Variants in AMBRA1 observed in about 807,000 individuals in gnomAD.
AMBRA1 encodes autophagy and beclin 1 regulator 1.
Under a neutral mutation model 125.4 loss-of-function variants are expected in AMBRA1, and 47 were observed. The observed-to-expected ratio is 0.37, with a 90% CI of 0.30 to 0.48. The LOEUF (loss-of-function observed/expected upper bound fraction) is 0.48. AMBRA1 is among the 20% of genes least tolerant of loss of function. The pLI, the probability that AMBRA1 is intolerant of heterozygous loss-of-function variation, is 0.99. For synonymous variants in AMBRA1, 626 were observed against 655.5 expected (o/e 0.95, Z 0.69); for missense variants, 1,331 against 1,693.4 (o/e 0.79, Z 3.76).
chr11:46,522,101 T>C (rs970491225), intron 7 of AMBRA1, among the ~76,000 whole-genome samples: 3 of 152,156 alleles, frequency 2.0e-5, no homozygotes, highest in Non-Finnish European at 4.4e-5. Context: ...AGAAACAGAA[T>C]GTATACATAG....
chr11:46,447,737 T>C lies in AMBRA1; in HGVS notation c.2522-4139A>G, dbSNP rs943373729. Among the ~76,000 whole-genome samples the C allele has an allele frequency of 2.9e-5, 4 of 140,078 alleles. No individual in the cohort carries two copies. In the South Asian group the frequency reaches 6.5e-4, roughly 23 times the overall value. 91.9% of individuals were successfully genotyped at this position (140,078 alleles called of 152,430 possible). Reference sequence around the variant, plus strand: ...ATAGATAGATAGATAGATAGATAGATAGATAGATAGATAGATAGATAGATA... The same window carrying C: ...ATAGATAGATAGATAGATAGATAGACAGATAGATAGATAGATAGATAGATA... On this transcript the variant is annotated intron_variant, in intron 11 of 17. Transcript: ENST00000683756.
chr11:46,493,974 T>A (rs1406062398), intron 10 of AMBRA1, 150 bp downstream of exon 10: 8 of 740,302 alleles, frequency 1.1e-5, no homozygotes, highest in Non-Finnish European at 1.8e-5. Context: ...CTAACCATCA[T>A]CCGTCAAGAG....
At chr11:46,425,697 G>A (rs977949625) in intron 14 of AMBRA1, among the ~76,000 whole-genome samples, 2 of 151,902 alleles carry the variant, frequency 1.3e-5, no homozygotes, top group South Asian at 2.1e-4. Flanking sequence ...GAAATTAGCC[G>A]GGGTGGTGGC....
intron 2 of AMBRA1, 63 bp downstream of exon 2, chr11:46,548,183 T>C (rs1276733981): frequency 6.2e-7 from 1 of 1,606,216 alleles, no homozygotes; most frequent in Non-Finnish European, 8.5e-7. Flanking sequence ...GTTAACCCAT[T>C]CTAAGGTCTC....
chr11:46,537,519 G>A (rs966812347), intron 7 of AMBRA1, among the ~76,000 whole-genome samples: 6 of 152,060 alleles, frequency 3.9e-5, no homozygotes, highest in Admixed American at 6.5e-5. Flanking sequence ...GCACCCTACC[G>A]CAAGGAGCCA....
intron 11 of AMBRA1, among the ~76,000 whole-genome samples, chr11:46,485,292 A>G (rs887205298): frequency 6.6e-6 from 1 of 152,216 alleles, no homozygotes; most frequent in African/African-American, 2.4e-5. Flanking sequence ...GACAGAGTAT[A>G]CCATATAAAT....
chr11:46,405,536 C>T (rs1481030016), intron 17 of AMBRA1, among the ~76,000 whole-genome samples: 2 of 151,836 alleles, frequency 1.3e-5, no homozygotes, highest in African/African-American at 4.8e-5. Flanking sequence ...CCAGGCAACA[C>T]GGTGAGACCC....
At chr11:46,427,747 G>A (rs1444592815) in intron 14 of AMBRA1, among the ~76,000 whole-genome samples, 1 of 152,180 alleles carries the variant, frequency 6.6e-6, no homozygotes. Context: ...GCTGGCTCAT[G>A]CCTGTAATCC....
intron 11 of AMBRA1, among the ~76,000 whole-genome samples, chr11:46,490,446 C>T (rs1244984041): frequency 6.6e-6 from 1 of 152,144 alleles, no homozygotes; most frequent in African/African-American, 2.4e-5. Context: ...ACTTACTCTT[C>T]ACCTTATAAC....
chr11:46,548,445 A>C lies in AMBRA1; in HGVS notation c.-65T>G. On this transcript the variant is annotated 5_prime_UTR_variant, in exon 2 of 18. Transcript: ENST00000683756. ...AAGGAGCAAGTAACAGCTCCAACAC[A>C]CTGAAGCAGCTAAAATGAGGCCATA... is the stretch of plus-strand genomic sequence containing the variant. The C allele has an allele frequency of 6.3e-7, 1 of 1,595,946 alleles. No individual in the cohort carries two copies. Among genetic ancestry groups the C allele is most frequent in the East Asian group, 2.2e-5 (1 of 44,624 alleles).
intron 2 of AMBRA1, 52 bp downstream of exon 2, chr11:46,548,194 A>T: frequency 6.2e-7 from 1 of 1,611,526 alleles, no homozygotes; most frequent in Non-Finnish European, 8.5e-7. Flanking sequence ...CTAAGGTCTC[A>T]TTCTACCATC....
rs908578463 is a variant in AMBRA1 at position 46,521,031 on chromosome 11, C to A, written c.2073-8218G>T. On this transcript the variant is annotated intron_variant, in intron 7 of 17. Transcript: ENST00000683756. Reference sequence around the variant, plus strand: ...TTTTTATCCCCATCAAAACTCACATCCTAATTAACATGTAATAGGAAACCA... The same window carrying A: ...TTTTTATCCCCATCAAAACTCACATACTAATTAACATGTAATAGGAAACCA... Among the ~76,000 whole-genome samples, 2 of 152,144 alleles carry A rather than the reference C, an allele frequency of 1.3e-5. 1 individual carries two copies. The highest frequency in any genetic ancestry group is 1.3e-4 in the Admixed American group (2 of 15,282).
At chr11:46,464,968 C>T (rs558979432) in intron 11 of AMBRA1, among the ~76,000 whole-genome samples, 3 of 152,082 alleles carry the variant, frequency 2.0e-5, no homozygotes, top group Non-Finnish European at 2.9e-5. Flanking sequence ...TCACTTGAAC[C>T]GGGAGGTGGA....
intron 11 of AMBRA1, among the ~76,000 whole-genome samples, chr11:46,457,328 C>T (rs1160276617): frequency 2.6e-5 from 4 of 152,180 alleles, no homozygotes; most frequent in Non-Finnish European, 4.4e-5. Context: ...ACAAATCCCA[C>T]AGAACTTGGT....
At chr11:46,588,517 T>A (rs1182269033) in intron 1 of AMBRA1, among the ~76,000 whole-genome samples, 1 of 152,064 alleles carries the variant, frequency 6.6e-6, no homozygotes, top group Non-Finnish European at 1.5e-5. Flanking sequence ...GGCTCATACC[T>A]GTATTCCCAG....
In AMBRA1 at chr11:46,547,808, A is replaced by C; in HGVS notation, c.194+9T>G. ...CACAAATCTTAAGTTATAGATAAATACTGAGTACCTGTCTGGGCTGAAGGC... is the reference window on the plus strand; with the variant it reads ...CACAAATCTTAAGTTATAGATAAATCCTGAGTACCTGTCTGGGCTGAAGGC... On this transcript the variant is annotated intron_variant, in intron 3 of 17. Coordinates refer to ENST00000683756, the MANE Select transcript of AMBRA1 (RefSeq NM_001387011.1). 6.2e-7 allele frequency: 1 copy of C among 1,608,810 alleles called. No homozygotes were observed. Among genetic ancestry groups the C allele is most frequent in the Non-Finnish European group, 8.5e-7 (1 of 1,177,204 alleles).
At chr11:46,490,576 A>T (rs1321523113) in intron 11 of AMBRA1, among the ~76,000 whole-genome samples, 1 of 152,110 alleles carries the variant, frequency 6.6e-6, no homozygotes, top group Non-Finnish European at 1.5e-5. Context: ...GGCTTTGCTT[A>T]GGGTCCACTG....
chr11:46,430,711 A>G (rs1453220399), intron 14 of AMBRA1, among the ~76,000 whole-genome samples: 1 of 152,216 alleles, frequency 6.6e-6, no homozygotes, highest in Non-Finnish European at 1.5e-5. Flanking sequence ...TCTCCTGGGA[A>G]TGTCTGTTGG....
At chr11:46,452,462 C>T (rs1948657443) in intron 11 of AMBRA1, among the ~76,000 whole-genome samples, 1 of 152,092 alleles carries the variant, frequency 6.6e-6, no homozygotes, top group Admixed American at 6.5e-5. Flanking sequence ...GGACAACAGG[C>T]ACATGCTACC....
Sources: allele counts gnomAD v4.1 joint callset (sites outside exome capture counted in the v4.1 genomes callset), GRCh38; gene constraint gnomAD v4.1.1; transcripts MANE v1.5; gene names NCBI Gene and HGNC (gene_info 2026-07-23, HGNC 2026-07-21).